Variants in ZBTB20 observed in about 807,000 individuals in gnomAD.
The protein encoded by ZBTB20 is zinc finger and BTB domain-containing protein 20.
ZBTB20 carries 9 observed loss-of-function variants against 56.9 expected under a neutral mutation model. The ratio of observed to expected loss-of-function variants is 0.16; its 90% confidence interval spans 0.10 to 0.28. The LOEUF is 0.28. Ranked by LOEUF, ZBTB20 falls within the 10% of genes least tolerant of loss-of-function variation. The pLI is 1.00. For missense variants in ZBTB20, 655 were observed against 1,003.0 expected (o/e 0.65, Z 4.69); for synonymous variants, 417 against 420.7 (o/e 0.99, Z 0.11).
intron 2 of ZBTB20, among the ~76,000 whole-genome samples, chr3:115,030,199 T>C (rs1240488631): frequency 1.3e-5 from 2 of 151,178 alleles, no homozygotes; most frequent in African/African-American, 4.8e-5. Context: ...CATGCTTTTA[T>C]ACATATAGTC....
chr3:114,504,948 A>C (rs532645957), intron 6 of ZBTB20, among the ~76,000 whole-genome samples: 1 of 152,356 alleles, frequency 6.6e-6, no homozygotes, highest in Non-Finnish European at 1.5e-5. Context: ...CCACTAAATT[A>C]CACTACCTTT....
At chr3:114,945,537 G>A (rs1273757170) in intron 3 of ZBTB20, among the ~76,000 whole-genome samples, 1 of 144,462 alleles carries the variant, frequency 6.9e-6, no homozygotes, top group Non-Finnish European at 1.5e-5. Context: ...TAACCACTAA[G>A]AAAAATTAAA....
intron 5 of ZBTB20, among the ~76,000 whole-genome samples, chr3:114,697,293 G>T (rs1231649208): frequency 1.3e-5 from 2 of 151,762 alleles, no homozygotes; most frequent in Non-Finnish European, 2.9e-5. Context: ...AATGTTGTTG[G>T]TTTTTCACAA....
intron 2 of ZBTB20, among the ~76,000 whole-genome samples, chr3:114,983,741 A>C (rs191974342): frequency 1.3e-3 from 203 of 152,190 alleles, no homozygotes; most frequent in African/African-American, 4.2e-3. Context: ...TACAGCCAAC[A>C]GAGTTTAAAT....
chr3:114,712,577 C>T (rs985444453), intron 5 of ZBTB20, among the ~76,000 whole-genome samples: 10 of 149,644 alleles, frequency 6.7e-5, no homozygotes, highest in Non-Finnish European at 1.3e-4. Flanking sequence ...CCCTTGAACC[C>T]GGGAGGCGGA....
intron 6 of ZBTB20, among the ~76,000 whole-genome samples, chr3:114,585,065 G>A (rs545404304): frequency 3.9e-4 from 59 of 152,230 alleles, no homozygotes; most frequent in African/African-American, 1.3e-3. Flanking sequence ...CAAGGCTCCT[G>A]TTAAAGGCTG....
rs190676645 is a variant in ZBTB20 at position 115,047,943 on chromosome 3, G to A, written c.-507+23276C>T. ...TAAGAGCTAAGAAAATTTTCTGGCC[G>A]GGCGCGGTGGCTCACGTCTGTAATC... is the stretch of plus-strand genomic sequence containing the variant. On this transcript the variant is annotated intron_variant, in intron 2 of 11. Transcript: ENST00000675478. 7.9e-5 allele frequency among the ~76,000 whole-genome samples: 12 copies of A among 152,144 alleles called. No homozygotes were observed. The East Asian group carries it at 1.4e-3, about 17-fold the overall frequency.
intron 1 of ZBTB20, among the ~76,000 whole-genome samples, chr3:115,146,852 C>G (rs2084998335): frequency 6.6e-6 from 1 of 152,046 alleles, no homozygotes; most frequent in Non-Finnish European, 1.5e-5. Context: ...GAGAAGAAGG[C>G]AGAAGACACG....
chr3:114,467,861 C>T (rs1029210049), intron 7 of ZBTB20, among the ~76,000 whole-genome samples: 14 of 152,146 alleles, frequency 9.2e-5, no homozygotes, highest in Non-Finnish European at 1.6e-4. Flanking sequence ...TGAGCATTTC[C>T]TAACTCCAAG....
intron 1 of ZBTB20, among the ~76,000 whole-genome samples, chr3:115,139,330 AC>A (rs2084745209): frequency 6.6e-6 from 1 of 152,042 alleles, no homozygotes; most frequent in African/African-American, 2.4e-5. Context: ...TTAAACAGAA[AC>A]TGAGAGTAAA....
intron 5 of ZBTB20, among the ~76,000 whole-genome samples, chr3:114,701,445 G>A (rs1444350873): frequency 1.3e-5 from 2 of 152,106 alleles, no homozygotes; most frequent in African/African-American, 4.8e-5. Context: ...AGGGATTGGG[G>A]AGGAAATCAT....
At chr3:114,421,978 A>G (rs1045727698) in intron 7 of ZBTB20, among the ~76,000 whole-genome samples, 5 of 152,000 alleles carry the variant, frequency 3.3e-5, no homozygotes, top group African/African-American at 1.2e-4. Flanking sequence ...CCCAAAGACT[A>G]ATCTGCTACA....
chr3:114,747,291 C>T (rs906974439), intron 5 of ZBTB20, among the ~76,000 whole-genome samples: 11 of 152,092 alleles, frequency 7.2e-5, no homozygotes, highest in Non-Finnish European at 1.5e-4. Flanking sequence ...TTTGGCCAGG[C>T]GCAGTGGCTT....
intron 7 of ZBTB20, among the ~76,000 whole-genome samples, chr3:114,428,726 C>T (rs2089902568): frequency 6.6e-6 from 1 of 152,136 alleles, no homozygotes; most frequent in Non-Finnish European, 1.5e-5. Flanking sequence ...AAAACTTGTG[C>T]TAAGTTCAAA....
intron 4 of ZBTB20, among the ~76,000 whole-genome samples, chr3:114,820,996 C>G (rs1414546529): frequency 6.6e-6 from 1 of 152,066 alleles, no homozygotes; most frequent in Non-Finnish European, 1.5e-5. Context: ...GGAAAACACC[C>G]CCAAGTAACT....
At chr3:114,658,180 C>A (rs2060517967) in intron 6 of ZBTB20, among the ~76,000 whole-genome samples, 1 of 152,036 alleles carries the variant, frequency 6.6e-6, no homozygotes, top group Non-Finnish European at 1.5e-5. Context: ...TAAAATGAAA[C>A]AGACCTGTAT....
chr3:114,486,909 AC>A (rs1250060955), intron 7 of ZBTB20, among the ~76,000 whole-genome samples: 3 of 152,164 alleles, frequency 2.0e-5, no homozygotes, highest in African/African-American at 7.2e-5. Flanking sequence ...CAATACCCAC[AC>A]ATTAGAAGAA....
chr3:114,776,560 T>C (rs1052911224), intron 5 of ZBTB20, among the ~76,000 whole-genome samples: 2 of 152,222 alleles, frequency 1.3e-5, no homozygotes, highest in Non-Finnish European at 2.9e-5. Context: ...CGCCCAATGA[T>C]ACCGATTTTG....
chr3:114,620,301 T>A (rs2058231467), intron 6 of ZBTB20, among the ~76,000 whole-genome samples: 1 of 151,482 alleles, frequency 6.6e-6, no homozygotes, highest in African/African-American at 2.4e-5. Context: ...TTTTCTTTTC[T>A]TTTTTTTTGA....
Sources: allele counts gnomAD v4.1 joint callset (sites outside exome capture counted in the v4.1 genomes callset), GRCh38; gene constraint gnomAD v4.1.1; transcripts MANE v1.5; gene names NCBI Gene and HGNC (gene_info 2026-07-23, HGNC 2026-07-21).